Variants in THOC2 observed in about 807,000 individuals in gnomAD.
The protein encoded by THOC2 is THO complex subunit 2, also known as THO complex 2.
A neutral mutation model predicts 128.4 loss-of-function variants in THOC2; 10 were observed. That is an observed-to-expected ratio of 0.08 (90% confidence interval 0.05 to 0.13). THOC2 has a LOEUF of 0.13. Among genes scored for constraint, THOC2 ranks in the 10% least tolerant of loss-of-function variants. The pLI, the probability that THOC2 is intolerant of heterozygous loss-of-function variation, is 1.00. For missense variants in THOC2, 535 were observed against 1,155.7 expected (o/e 0.46, Z 7.79); for synonymous variants, 393 against 396.9 (o/e 0.99, Z 0.12).
intron 33 of THOC2, among the ~76,000 whole-genome samples, chrX:123,618,846 T>C (rs1264021526): frequency 9.0e-6 from 1 of 111,465 alleles, no homozygotes; most frequent in Non-Finnish European, 1.9e-5. Context: ...AGTATTCCTG[T>C]CCAGGGGAAT....
At chrX:123,685,157 G>A (rs969244663) in intron 8 of THOC2, among the ~76,000 whole-genome samples, 1 of 112,394 alleles carries the variant, frequency 8.9e-6, no homozygotes, top group Non-Finnish European at 1.9e-5. Context: ...ATTTACTATA[G>A]GCTAGGCAAT....
rs1423562959 is a variant in THOC2, at chrX:123,645,419, G to T, written c.1387-44C>A. On this transcript the variant is annotated intron_variant, in intron 12 of 38. Coordinates refer to ENST00000245838, the MANE Select transcript of THOC2 (RefSeq NM_001081550.2). ...AATTAATAAAATACAAAAAGGTTAA[G>T]ATTATGATGTCACAATTAATTTCTA... is the stretch of plus-strand genomic sequence containing the variant. 3.8e-6 allele frequency: 3 copies of T among 784,137 alleles called. No homozygotes were observed. The East Asian group carries it at 1.1e-4, about 28-fold the overall frequency. 64.6% of individuals were successfully genotyped at this position (784,137 alleles called of 1,213,427 possible). A position where few individuals can be genotyped will look rare whatever the true frequency, so the allele number is the denominator to read the frequency against.
At chrX:123,614,305 C>T in intron 33 of THOC2, 116 bp from the exon 34 acceptor site, 2 of 554,582 alleles carry the variant, frequency 3.6e-6, no homozygotes, top group Non-Finnish European at 5.3e-6. Flanking sequence ...AACTGGTCAG[C>T]TATCTGGATT....
chrX:123,730,349 T>G (rs1319913644), intron 1 of THOC2, among the ~76,000 whole-genome samples: 1 of 111,175 alleles, frequency 9.0e-6, no homozygotes, highest in Non-Finnish European at 1.9e-5. Context: ...CGGCAAATTT[T>G]GTACTTTTAG....
At chrX:123,667,700 C>G (rs996855986) in intron 10 of THOC2, among the ~76,000 whole-genome samples, 5 of 110,228 alleles carry the variant, frequency 4.5e-5, no homozygotes, top group Non-Finnish European at 7.6e-5. Context: ...AATCATGCCA[C>G]TGCACTCCAG....
At chrX:123,690,322 T>C (rs1008427667) in intron 7 of THOC2, among the ~76,000 whole-genome samples, 1 of 111,874 alleles carries the variant, frequency 8.9e-6, no homozygotes, top group African/African-American at 3.3e-5. Flanking sequence ...TTCACAGATG[T>C]ATACATATAT....
chrX:123,700,523 G>C (rs1359646820), intron 4 of THOC2, among the ~76,000 whole-genome samples: 8 of 74,904 alleles, frequency 1.1e-4, no homozygotes, highest in Non-Finnish European at 1.8e-4. Flanking sequence ...TGGGGGCGGC[G>C]GGGGGGAGGT....
chrX:123,731,434 G>A (rs6655775), intron 1 of THOC2, among the ~76,000 whole-genome samples: 1 of 111,885 alleles, frequency 8.9e-6, no homozygotes, highest in Admixed American at 9.5e-5. Flanking sequence ...CCAATTAATT[G>A]CTAACCTGAG....
chrX:123,671,662 G>A lies in THOC2; in HGVS notation c.861+7C>T, dbSNP rs768518824. ...ATCAAGTATTCTTAGCAGCCCACTT[G>A]ACTTACATGTACATAAAGATCATCT... On this transcript the variant is annotated splice_region_variant and intron_variant, in intron 9 of 38. Transcript: ENST00000245838. 5.5e-6 allele frequency: 6 copies of A among 1,096,460 alleles called. No individual in the cohort carries two copies. In the South Asian group the frequency reaches 1.1e-4, roughly 20 times the overall value. The allele number at this position is 1,096,460 out of a possible 1,213,427, so 90.4% of individuals were successfully genotyped here. A position where few individuals can be genotyped will look rare whatever the true frequency, so the allele number is the denominator to read the frequency against.
chrX:123,660,774 T>G (rs1294023595), intron 12 of THOC2, among the ~76,000 whole-genome samples: 5 of 112,357 alleles, frequency 4.5e-5, no homozygotes. Flanking sequence ...GGGGTACCTG[T>G]GATAATTTGT....
chrX:123,704,793 G>A (rs1310103637), intron 3 of THOC2, among the ~76,000 whole-genome samples: 1 of 111,858 alleles, frequency 8.9e-6, no homozygotes, highest in Non-Finnish European at 1.9e-5. Context: ...GGGAGACAGA[G>A]GTTGTAGTGA....
intron 1 of THOC2, among the ~76,000 whole-genome samples, chrX:123,725,022 G>A (rs2051886347): frequency 9.0e-6 from 1 of 111,570 alleles, no homozygotes; most frequent in African/African-American, 3.3e-5. Context: ...AGACTGCAGT[G>A]AGCCAAGATC....
chrX:123,703,313 T>C, intron 4 of THOC2, 141 bp downstream of exon 4: 1 of 356,878 alleles, frequency 2.8e-6, no homozygotes, highest in South Asian at 9.5e-5. Flanking sequence ...TGACTTATAT[T>C]GCTATATTCT....
chrX:123,625,177 C>T (rs1235685952), intron 25 of THOC2, among the ~76,000 whole-genome samples: 2 of 111,406 alleles, frequency 1.8e-5, no homozygotes, highest in Non-Finnish European at 3.8e-5. Context: ...CTGCAAGCTC[C>T]GCGTCTCAGG....
chrX:123,712,212 C>T (rs1027146571), intron 2 of THOC2, among the ~76,000 whole-genome samples: 2 of 111,249 alleles, frequency 1.8e-5, no homozygotes, highest in African/African-American at 6.5e-5. Context: ...AAATGCTTTA[C>T]ACTTACTAGA....
chrX:123,706,358 A>C (rs2147934492), intron 3 of THOC2, among the ~76,000 whole-genome samples: 1 of 110,434 alleles, frequency 9.1e-6, no homozygotes, highest in Admixed American at 9.7e-5. Context: ...TTTATTAAGG[A>C]CACCTTAATT....
chrX:123,697,154 C>G (rs2050479075), intron 5 of THOC2, among the ~76,000 whole-genome samples: 1 of 111,920 alleles, frequency 8.9e-6, no homozygotes. Flanking sequence ...TCACCTAATA[C>G]AGCACTTAAT....
intron 1 of THOC2, among the ~76,000 whole-genome samples, chrX:123,731,412 A>G (rs1179372973): frequency 8.9e-6 from 1 of 112,073 alleles, no homozygotes; most frequent in Non-Finnish European, 1.9e-5. Flanking sequence ...ACACACATGA[A>G]TAAGTCAGAG....
rs1178351655 is a variant in THOC2 at position 123,634,623 on chromosome X, T to G, written c.2019-553A>C. 2.7e-5 allele frequency among the ~76,000 whole-genome samples: 3 copies of G among 111,881 alleles called. No individual in the cohort carries two copies. The Admixed American group carries it at 2.9e-4, about 11-fold the overall frequency. On this transcript the variant is annotated intron_variant, in intron 19 of 38. Transcript: ENST00000245838. ...TATTTCATTTTATCAGTTGACCCAA[T>G]AAAGTCCTTCATAGCATTTTTTCTC...
Sources: gnomAD v4.1 joint callset for allele counts (sites outside exome capture counted in the v4.1 genomes callset) on GRCh38, gnomAD v4.1.1 for gene constraint, MANE v1.5 for transcripts, NCBI Gene and HGNC (gene_info 2026-07-23, HGNC 2026-07-21) for gene names.